MAML3: variants seen among roughly 807,000 people sequenced by gnomAD.
MAML3 encodes mastermind-like protein 3.
A neutral mutation model predicts 101.9 loss-of-function variants in MAML3; 27 were observed. The observed-to-expected ratio is 0.27, with a 90% CI of 0.20 to 0.37. MAML3 has a LOEUF of 0.37. Ranked by LOEUF, MAML3 falls within the 10% of genes least tolerant of loss-of-function variation. MAML3 has a pLI of 1.00. For missense variants in MAML3, 1,316 were observed against 1,444.9 expected (o/e 0.91, Z 1.45); for synonymous variants, 501 against 555.9 (o/e 0.90, Z 1.39).
chr4:139,873,975 T>C (rs1264040405), intron 2 of MAML3, among the ~76,000 whole-genome samples: 3 of 152,280 alleles, frequency 2.0e-5, no homozygotes, highest in Non-Finnish European at 4.4e-5. Context: ...AGCTCTTCTT[T>C]ACTTTGGAGT....
chr4:139,919,960 A>AT (rs1733093506), intron 1 of MAML3, among the ~76,000 whole-genome samples: 1 of 152,152 alleles, frequency 6.6e-6, no homozygotes, highest in Non-Finnish European at 1.5e-5. Context: ...GAATCTTACT[A>AT]TTTTTGCTAT....
intron 2 of MAML3, among the ~76,000 whole-genome samples, chr4:139,878,831 G>A (rs17290188): frequency 0.22 from 33,113 of 152,102 alleles, 4,757 homozygotes; most frequent in Non-Finnish European, 0.3. Flanking sequence ...AGAACAGCCC[G>A]AAAGAGGCCC....
At chr4:140,078,455 T>C (rs1360510832) in intron 1 of MAML3, among the ~76,000 whole-genome samples, 2 of 152,138 alleles carry the variant, frequency 1.3e-5, no homozygotes, top group Non-Finnish European at 2.9e-5. Context: ...GGGCTGTTAA[T>C]GTGACACCAG....
At chr4:140,121,070 CAA>C (rs1728599586) in intron 1 of MAML3, among the ~76,000 whole-genome samples, 1 of 152,142 alleles carries the variant, frequency 6.6e-6, no homozygotes, top group African/African-American at 2.4e-5. Flanking sequence ...GGATATGCTG[CAA>C]AGAGAAATAG....
chr4:139,739,679 G>GTTTC (rs200037455), intron 2 of MAML3, among the ~76,000 whole-genome samples: 54,918 of 131,824 alleles, frequency 0.42, 11,681 homozygotes, highest in South Asian at 0.58. Flanking sequence ...GAGGAAAGCA[G>GTTTC]TTTTTTTTTT....
chr4:139,777,760 T>C (rs1287551761), intron 2 of MAML3, among the ~76,000 whole-genome samples: 3 of 152,230 alleles, frequency 2.0e-5, no homozygotes, highest in Non-Finnish European at 4.4e-5. Flanking sequence ...AGACTTCCCA[T>C]AATGCTTAAA....
chr4:139,897,422 A>C (rs1397450753), intron 1 of MAML3, among the ~76,000 whole-genome samples: 1 of 152,194 alleles, frequency 6.6e-6, no homozygotes, highest in African/African-American at 2.4e-5. Context: ...AAGCACAGTC[A>C]TGCCCTCATC....
At chr4:139,898,713 C>T (rs2111209214) in intron 1 of MAML3, among the ~76,000 whole-genome samples, 1 of 152,320 alleles carries the variant, frequency 6.6e-6, no homozygotes, top group East Asian at 1.9e-4. Context: ...GAAGATGATT[C>T]ACTGGAATCA....
chr4:139,997,753 G>GT (rs927949007), intron 1 of MAML3, among the ~76,000 whole-genome samples: 192 of 146,306 alleles, frequency 1.3e-3, no homozygotes, highest in African/African-American at 3.4e-3. Context: ...TTCTGTTTTT[G>GT]TTTTTTTTTT....
intron 1 of MAML3, among the ~76,000 whole-genome samples, chr4:139,898,196 G>C (rs1171034481): frequency 6.6e-6 from 1 of 152,244 alleles, no homozygotes; most frequent in East Asian, 1.9e-4. Flanking sequence ...CAATGAGTTA[G>C]TGTAATTGAT....
intron 2 of MAML3, among the ~76,000 whole-genome samples, chr4:139,798,543 G>C (rs1730555971): frequency 6.6e-6 from 1 of 152,208 alleles, no homozygotes; most frequent in African/African-American, 2.4e-5. Context: ...GCAACAGAAA[G>C]ACAAGGTCAT....
chr4:140,150,229 T>C (rs1167633120), intron 1 of MAML3, among the ~76,000 whole-genome samples: 3 of 152,258 alleles, frequency 2.0e-5, no homozygotes, highest in Non-Finnish European at 2.9e-5. Flanking sequence ...CTATGAAATC[T>C]ACAGCTGATG....
At chr4:139,912,156 T>C (rs1461587912) in intron 1 of MAML3, among the ~76,000 whole-genome samples, 6 of 152,248 alleles carry the variant, frequency 3.9e-5, no homozygotes, top group Non-Finnish European at 8.8e-5. Flanking sequence ...CTGCATCATT[T>C]TACATTCCCA....
At chr4:139,898,080 G>C (rs1168075808) in intron 1 of MAML3, among the ~76,000 whole-genome samples, 1 of 152,130 alleles carries the variant, frequency 6.6e-6, no homozygotes, top group African/African-American at 2.4e-5. Flanking sequence ...TACAACTCCT[G>C]ATGTTGGTTA....
At chr4:140,152,097 A>G (rs1435070068) in intron 1 of MAML3, among the ~76,000 whole-genome samples, 1 of 150,992 alleles carries the variant, frequency 6.6e-6, no homozygotes, top group East Asian at 2.0e-4. Context: ...CGCCCCCTCC[A>G]GGCCGCTCCC....
chr4:139,813,287 G>C (rs1730836344), intron 2 of MAML3, among the ~76,000 whole-genome samples: 1 of 152,094 alleles, frequency 6.6e-6, no homozygotes. Flanking sequence ...AATCATAAAA[G>C]AAACTTTCAC....
intron 1 of MAML3, among the ~76,000 whole-genome samples, chr4:140,021,722 C>T (rs568470915): frequency 1.3e-3 from 194 of 152,162 alleles, no homozygotes; most frequent in African/African-American, 4.2e-3. Context: ...TCCAGTTTAA[C>T]GTTCCTGAAT....
chr4:139,736,325 A>C (rs759630994), intron 2 of MAML3, among the ~76,000 whole-genome samples: 2 of 152,234 alleles, frequency 1.3e-5, no homozygotes, highest in Non-Finnish European at 2.9e-5. Flanking sequence ...AGGCGAAAGT[A>C]TGTATCAGAG....
chr4:140,150,754 AG>A (rs888548140), intron 1 of MAML3, among the ~76,000 whole-genome samples: 1 of 148,468 alleles, frequency 6.7e-6, no homozygotes, highest in African/African-American at 2.5e-5. Context: ...GAAGGGCGCT[AG>A]GGGGGCGGGG....
Sources: allele counts gnomAD v4.1 joint callset (sites outside exome capture counted in the v4.1 genomes callset), GRCh38; gene constraint gnomAD v4.1.1; transcripts MANE v1.5; gene names NCBI Gene and HGNC (gene_info 2026-07-23, HGNC 2026-07-21).